Variants in DENND5B observed in about 807,000 individuals in gnomAD.
DENND5B encodes DENN domain-containing protein 5B.
A neutral mutation model predicts 140.6 loss-of-function variants in DENND5B; 34 were observed. That is an observed-to-expected ratio of 0.24 (90% confidence interval 0.18 to 0.32). The LOEUF is 0.32. DENND5B is among the 10% of genes least tolerant of loss of function. The pLI is 1.00. For synonymous variants in DENND5B, 551 were observed against 562.1 expected (o/e 0.98, Z 0.28); for missense variants, 1,142 against 1,560.2 (o/e 0.73, Z 4.52).
intron 3 of DENND5B, among the ~76,000 whole-genome samples, chr12:31,467,157 A>C (rs1376299520): frequency 6.6e-6 from 1 of 152,090 alleles, no homozygotes; most frequent in African/African-American, 2.4e-5. Flanking sequence ...GAAAAAAAAA[A>C]AACTTTTAAC....
chr12:31,560,938 AAG>A (rs71445805), intron 1 of DENND5B, among the ~76,000 whole-genome samples: 19,049 of 152,192 alleles, frequency 0.13, 1,536 homozygotes, highest in Non-Finnish European at 0.18. Flanking sequence ...TACTACCAAA[AAG>A]AGAGAGTAAA....
chr12:31,426,165 A>C, intron 9 of DENND5B, 128 bp downstream of exon 9: 1 of 1,084,526 alleles, frequency 9.2e-7, no homozygotes, highest in Non-Finnish European at 1.3e-6. Flanking sequence ...ACATGAGGTC[A>C]ATGCCACAGT....
intron 8 of DENND5B, among the ~76,000 whole-genome samples, chr12:31,430,187 TA>T (rs2137801806): frequency 6.6e-6 from 1 of 150,890 alleles, no homozygotes; most frequent in South Asian, 2.1e-4. Flanking sequence ...CACACCCGGC[TA>T]GTTTTTGTAT....
At position 31,433,173 on chromosome 12, in the gene DENND5B, C is replaced by T. The variant is rs766470366; in HGVS notation, c.2088G>A (p.Leu696=). The change falls in exon 8 of 21, where the codon CTG becomes CTA. Residue 696 remains leucine (L), a synonymous_variant. Coordinates refer to ENST00000389082, the MANE Select transcript of DENND5B (RefSeq NM_144973.4). The stretch of plus-strand genomic sequence containing the variant: ...CACATACCTCCCTCAAGTCGTTGTC[C>T]AGCCCAACATGCTCAGAATGCTGGC... The part of the protein sequence containing the change: ...RLRQHSEHVG[L]DNDLREKYMQ... 1.2e-6 allele frequency: 2 copies of T among 1,613,932 alleles called. No homozygotes were observed. The highest frequency in any genetic ancestry group is 4.5e-5 in the East Asian group (2 of 44,874).
At chr12:31,574,015 T>A (rs1949914327) in intron 1 of DENND5B, among the ~76,000 whole-genome samples, 1 of 147,938 alleles carries the variant, frequency 6.8e-6, no homozygotes, top group Non-Finnish European at 1.5e-5. Context: ...ATCCCAACAG[T>A]GGGAGGCCAA....
In DENND5B at chr12:31,446,171, C is replaced by T. The variant is rs556667091; in HGVS notation, c.1861+1367G>A. 6.5e-4 allele frequency among the ~76,000 whole-genome samples: 99 copies of T among 152,098 alleles called. 1 individual carries two copies. The Middle Eastern group carries it at 0.024, about 37-fold the overall frequency. On this transcript the variant is annotated intron_variant, in intron 6 of 20. Transcript: ENST00000389082. The stretch of plus-strand genomic sequence containing the variant: ...CTGCTTTCTTTTTATTTTTTTGAGA[C>T]GGAGTCTTGCTCTGTTGCCCAGGCG...
intron 3 of DENND5B, among the ~76,000 whole-genome samples, chr12:31,466,364 G>T (rs188806469): frequency 2.5e-4 from 38 of 151,212 alleles, no homozygotes; most frequent in Non-Finnish European, 5.0e-4. Flanking sequence ...AAAAAAAAAG[G>T]GTTGAGAGAT....
chr12:31,452,549 G>C, intron 4 of DENND5B, 73 bp from the exon 5 acceptor site: 1 of 1,436,032 alleles, frequency 7.0e-7, no homozygotes. Context: ...TTGCCAGCCA[G>C]CCACAGTGGC....
At chr12:31,446,342 T>C (rs1398242226) in intron 6 of DENND5B, among the ~76,000 whole-genome samples, 1 of 151,882 alleles carries the variant, frequency 6.6e-6, no homozygotes, top group African/African-American at 2.4e-5. Context: ...AGAGATGGGG[T>C]TTCGCCATGT....
At chr12:31,398,032 G>T in intron 17 of DENND5B, 143 bp downstream of exon 17, 5 of 838,130 alleles carry the variant, frequency 6.0e-6, no homozygotes, top group South Asian at 2.3e-5. Flanking sequence ...AACTCTTCCG[G>T]CTTTTGAATA....
intron 1 of DENND5B, chr12:31,500,417 C>T (rs1346108700): frequency 2.2e-6 from 1 of 452,416 alleles, no homozygotes; most frequent in Admixed American, 2.4e-5. Flanking sequence ...TGTTGGCTCA[C>T]AACTGTAATC....
rs150571604 is a variant in DENND5B at position 31,542,974 on chromosome 12, T to C, written c.128-47055A>G. On this transcript the variant is annotated intron_variant, in intron 1 of 20. Transcript: ENST00000389082. The stretch of plus-strand genomic sequence containing the variant: ...CCTGTCTCAAATAAGTAAATGGTAC[T>C]GAAAAAAATGTTGTAGTGAGACAAA... Among the ~76,000 whole-genome samples the C allele has an allele frequency of 3.3e-3, 508 of 152,184 alleles. 3 individuals carry two copies. The highest frequency in any genetic ancestry group is 0.011 in the African/African-American group (470 of 41,528).
chr12:31,395,688 T>C (rs1487682707), intron 17 of DENND5B, among the ~76,000 whole-genome samples: 1 of 152,120 alleles, frequency 6.6e-6, no homozygotes, highest in South Asian at 2.1e-4. Flanking sequence ...AATAGAAGAA[T>C]CTAGGGAAAC....
At chr12:31,437,436 C>A (rs866968682) in intron 7 of DENND5B, among the ~76,000 whole-genome samples, 4 of 152,118 alleles carry the variant, frequency 2.6e-5, no homozygotes, top group African/African-American at 4.8e-5. Context: ...GCCTGGCCAT[C>A]ATCTGCCCCT....
chr12:31,506,474 C>T (rs1848878852), intron 1 of DENND5B: 1 of 152,160 alleles, frequency 6.6e-6, no homozygotes, highest in Non-Finnish European at 1.5e-5. Context: ...TATTCTGTTT[C>T]AATCTCAACT....
At chr12:31,449,891 C>T (rs547203015) in intron 5 of DENND5B, among the ~76,000 whole-genome samples, 3 of 151,996 alleles carry the variant, frequency 2.0e-5, no homozygotes, top group East Asian at 1.9e-4. Context: ...CCACCACGCC[C>T]GGCTAATTTT....
intron 1 of DENND5B, among the ~76,000 whole-genome samples, chr12:31,584,722 G>A (rs951033222): frequency 6.6e-6 from 1 of 152,120 alleles, no homozygotes; most frequent in African/African-American, 2.4e-5. Flanking sequence ...AGCTACTAGG[G>A]AGACTGAGGT....
At chr12:31,530,103 T>C (rs1383693709) in intron 1 of DENND5B, among the ~76,000 whole-genome samples, 1 of 152,182 alleles carries the variant, frequency 6.6e-6, no homozygotes, top group African/African-American at 2.4e-5. Flanking sequence ...CCGGGCGCGG[T>C]GGCTCATGCC....
chr12:31,415,761 A>G (rs1942703965), intron 11 of DENND5B, among the ~76,000 whole-genome samples: 1 of 151,314 alleles, frequency 6.6e-6, no homozygotes, highest in Non-Finnish European at 1.5e-5. Context: ...TCATTTTTAA[A>G]ATTTTTTGTA....
Sources: gnomAD v4.1 joint callset for allele counts (sites outside exome capture counted in the v4.1 genomes callset) on GRCh38, gnomAD v4.1.1 for gene constraint, MANE v1.5 for transcripts, NCBI Gene and HGNC (gene_info 2026-07-23, HGNC 2026-07-21) for gene names.